Variants in RPS6KC1 observed in about 807,000 individuals in gnomAD.
RPS6KC1 encodes ribosomal protein S6 kinase C1, also known as inactive ribosomal protein S6 kinase delta-1.
In RPS6KC1, 54 loss-of-function variants were observed where a neutral mutation model predicts 103.8. The ratio of observed to expected loss-of-function variants is 0.52; its 90% CI spans 0.42 to 0.65. The LOEUF (loss-of-function observed/expected upper bound fraction) is 0.65, where lower values mean the gene tolerates loss of function less well. Among genes scored for constraint, RPS6KC1 ranks in the 30% least tolerant of loss-of-function variants. RPS6KC1 has a pLI of 0.00. For synonymous variants in RPS6KC1, 439 were observed against 438.7 expected, an observed-to-expected ratio of 1.00 and a Z score of -0.01; for missense variants, 1,151 against 1,253.8, an observed-to-expected ratio of 0.92 and a Z score of 1.24.
intron 12 of RPS6KC1, among the ~76,000 whole-genome samples, chr1:213,248,516 T>C (rs948920780): frequency 6.6e-6 from 1 of 152,140 alleles, no homozygotes; most frequent in Admixed American, 6.6e-5. Flanking sequence ...TGAAGAAAAT[T>C]TCTTGATACA....
chr1:213,104,689 AG>A, intron 4 of RPS6KC1, 120 bp downstream of exon 4: 1 of 515,328 alleles, frequency 1.9e-6, no homozygotes, highest in Non-Finnish European at 3.4e-6. Context: ...AGAAATTAAT[AG>A]CTCTATAATA....
chr1:213,565,361 G>T, the RPS6KC1 span, among the ~76,000 whole-genome samples: 1 of 152,146 alleles, frequency 6.6e-6, no homozygotes, highest in African/African-American at 2.4e-5. Flanking sequence ...GTAGAAAGAG[G>T]CCAGATATCC....
intron 6 of RPS6KC1, among the ~76,000 whole-genome samples, chr1:213,155,134 C>CAA (rs1402256809): frequency 2.6e-5 from 4 of 152,184 alleles, no homozygotes; most frequent in Non-Finnish European, 5.9e-5. Context: ...AGATGCAAGA[C>CAA]AAAGTCCTCC....
chr1:213,278,768 T>C (rs1204270412), downstream of RPS6KC1, among the ~76,000 whole-genome samples: 3 of 152,190 alleles, frequency 2.0e-5, no homozygotes, highest in East Asian at 5.8e-4. Context: ...GCAAGTGTTA[T>C]AAAGTACAAC....
At chr1:213,710,991 G>A in the RPS6KC1 span, among the ~76,000 whole-genome samples, 2 of 152,088 alleles carry the variant, frequency 1.3e-5, no homozygotes, top group African/African-American at 2.4e-5. Flanking sequence ...ATGATTATGT[G>A]TCTTGGGGTT....
the RPS6KC1 span, among the ~76,000 whole-genome samples, chr1:213,859,989 T>G: frequency 6.6e-6 from 1 of 151,698 alleles, no homozygotes; most frequent in South Asian, 2.1e-4. Context: ...AAAAAAAATC[T>G]AATTATAGTC....
chr1:213,322,465 A>G, the RPS6KC1 span, among the ~76,000 whole-genome samples: 638 of 152,332 alleles, frequency 4.2e-3, 9 homozygotes, highest in African/African-American at 0.015. Flanking sequence ...GAAATAGACC[A>G]CAGAAGACAA....
At chr1:213,568,940 G>A in the RPS6KC1 span, among the ~76,000 whole-genome samples, 1 of 152,232 alleles carries the variant, frequency 6.6e-6, no homozygotes, top group Non-Finnish European at 1.5e-5. Flanking sequence ...GGAAGTAGCA[G>A]CCATGGCCAC....
intron 10 of RPS6KC1, among the ~76,000 whole-genome samples, chr1:213,240,108 T>C (rs997818839): frequency 1.3e-5 from 2 of 152,160 alleles, no homozygotes; most frequent in Non-Finnish European, 2.9e-5. Flanking sequence ...CTCAGTAGCT[T>C]TACTTATATA....
intron 8 of RPS6KC1, among the ~76,000 whole-genome samples, chr1:213,178,648 A>G (rs568927662): frequency 1.9e-4 from 29 of 152,204 alleles, no homozygotes; most frequent in Admixed American, 1.8e-3. Flanking sequence ...GCTGAGGGAT[A>G]ATTTGGTACT....
chr1:213,545,363 C>G, the RPS6KC1 span, among the ~76,000 whole-genome samples: 1 of 142,062 alleles, frequency 7.0e-6, no homozygotes, highest in East Asian at 2.2e-4. Context: ...AAGAGTGAAA[C>G]TCTGTCTCAA....
chr1:213,160,360 T>A (rs1035567021), intron 6 of RPS6KC1, among the ~76,000 whole-genome samples: 4 of 152,250 alleles, frequency 2.6e-5, no homozygotes, highest in African/African-American at 9.6e-5. Context: ...CTGTGCTGTA[T>A]TTTCCTCATG....
chr1:213,672,065 G>A, the RPS6KC1 span, among the ~76,000 whole-genome samples: 1 of 152,060 alleles, frequency 6.6e-6, no homozygotes, highest in Non-Finnish European at 1.5e-5. Flanking sequence ...TACTATCCAA[G>A]GATAGGTTGT....
the RPS6KC1 span, among the ~76,000 whole-genome samples, chr1:213,499,876 C>A: frequency 2.2e-3 from 330 of 152,126 alleles, 2 homozygotes; most frequent in South Asian, 9.1e-3. Context: ...AGTAAAAATA[C>A]CATATAAGGG....
chr1:213,498,172 C>G, the RPS6KC1 span, among the ~76,000 whole-genome samples: 80 of 152,092 alleles, frequency 5.3e-4, no homozygotes, highest in African/African-American at 1.8e-3. Flanking sequence ...AGATAACAAC[C>G]AAAATTAACA....
At chr1:213,131,324 T>C (rs1255136102) in intron 6 of RPS6KC1, among the ~76,000 whole-genome samples, 1 of 152,220 alleles carries the variant, frequency 6.6e-6, no homozygotes, top group Admixed American at 6.5e-5. Flanking sequence ...TTGATATGAT[T>C]AATATTAGCT....
chr1:213,424,171 G>GA, the RPS6KC1 span, among the ~76,000 whole-genome samples: 40 of 152,318 alleles, frequency 2.6e-4, 1 homozygote, highest in East Asian at 3.1e-3. Context: ...ATTGAAGTGA[G>GA]AAAATAAACC....
intron 6 of RPS6KC1, among the ~76,000 whole-genome samples, chr1:213,146,127 G>T (rs988620469): frequency 2.1e-5 from 3 of 146,278 alleles, no homozygotes. Context: ...CCACAAATAA[G>T]TGAGAACATG....
At chr1:213,744,145 C>T in the RPS6KC1 span, among the ~76,000 whole-genome samples, 42,404 of 151,534 alleles carry the variant, frequency 0.28, 6,819 homozygotes, top group African/African-American at 0.43. Context: ...GAGTGGAGGG[C>T]GAGGGATAAA....
Sources: allele counts gnomAD v4.1 joint callset (sites outside exome capture counted in the v4.1 genomes callset), GRCh38; gene constraint gnomAD v4.1.1; transcripts MANE v1.5; gene names NCBI Gene and HGNC (gene_info 2026-07-23, HGNC 2026-07-21).